TMPRSS15: variants seen among roughly 807,000 people sequenced by gnomAD.
TMPRSS15 encodes the protein transmembrane serine protease 15, also known as enteropeptidase.
A neutral mutation model predicts 125.3 loss-of-function variants in TMPRSS15; 128 were observed. The observed-to-expected ratio is 1.02, with a 90% CI of 0.89 to 1.18. The LOEUF (loss-of-function observed/expected upper bound fraction) is 1.18, where lower values mean the gene tolerates loss of function less well. Among genes scored for constraint, TMPRSS15 ranks in the 50% most tolerant of loss-of-function variants. The pLI is 0.00. For synonymous variants in TMPRSS15, 446 were observed against 423.2 expected (o/e 1.05, Z -0.66); for missense variants, 1,283 against 1,212.7 (o/e 1.06, Z -0.86).
chr21:18,450,424 A>G (rs1297051107), intron 1 of TMPRSS15, among the ~76,000 whole-genome samples: 2 of 152,182 alleles, frequency 1.3e-5, no homozygotes, highest in Non-Finnish European at 2.9e-5. Flanking sequence ...TGGAACCTCA[A>G]TGCATTTGTT....
chr21:18,353,551 A>AC (rs1476156681), intron 9 of TMPRSS15, among the ~76,000 whole-genome samples, 172 bp downstream of exon 9: 1 of 151,862 alleles, frequency 6.6e-6, no homozygotes, highest in African/African-American at 2.4e-5. Flanking sequence ...AAAAATGTAA[A>AC]CCATTGTCCA....
At chr21:18,452,691 A>T (rs1053483013) in intron 1 of TMPRSS15, among the ~76,000 whole-genome samples, 1 of 152,202 alleles carries the variant, frequency 6.6e-6, no homozygotes, top group Non-Finnish European at 1.5e-5. Context: ...TTGAACTGGA[A>T]TGTTACAAAC....
chr21:18,297,804 A>C lies in TMPRSS15; in HGVS notation c.2191T>G (p.Phe731Val), dbSNP rs2074924226. Residue 731 changes from phenylalanine to valine, a missense_variant, in exon 19 of 25, where the codon TTC becomes GTC. Coordinates refer to ENST00000284885, the MANE Select transcript of TMPRSS15 (RefSeq NM_002772.3). ...LGSGNSSKPI[F>V]PTDGGPFVKL... is the part of the protein sequence containing the mutation. Reference sequence around the variant, plus strand: ...ACAAATGGTCCACCATCGGTAGGGAAGATTGGCTTTGATGAGTTTCCACTC... The same window carrying C: ...ACAAATGGTCCACCATCGGTAGGGACGATTGGCTTTGATGAGTTTCCACTC... 2.5e-6 allele frequency: 4 copies of C among 1,613,432 alleles called. No individual in the cohort carries two copies. The South Asian group carries it at 4.4e-5, about 18-fold the overall frequency.
intron 3 of TMPRSS15, among the ~76,000 whole-genome samples, chr21:18,392,247 T>C (rs190895313): frequency 3.9e-5 from 6 of 152,342 alleles, no homozygotes; most frequent in Non-Finnish European, 7.3e-5. Context: ...TTCTGCCACA[T>C]AGTTAGCCTG....
At position 18,365,941 on chromosome 21, in the gene TMPRSS15, G is replaced by T. The variant is rs140597397; in HGVS notation, c.665-693C>A. On this transcript the variant is annotated intron_variant, in intron 6 of 24. Coordinates refer to ENST00000284885, the MANE Select transcript of TMPRSS15 (RefSeq NM_002772.3). ...GTAGAGACGGGGTTTCACCATGTTG[G>T]CCAGGCTGGTCTCGATCTCCTGACC... is the stretch of plus-strand genomic sequence containing the variant. Among the ~76,000 whole-genome samples the T allele has an allele frequency of 8.4e-3, 1,277 of 151,626 alleles. 17 individuals carry two copies. Among genetic ancestry groups the T allele is most frequent in the African/African-American group, 0.03 (1,221 of 41,298 alleles).
chr21:18,398,106 T>G, intron 2 of TMPRSS15, 93 bp downstream of exon 2: 1 of 1,478,636 alleles, frequency 6.8e-7, no homozygotes, highest in Non-Finnish European at 9.4e-7. Flanking sequence ...CATATTACAT[T>G]TATTCTCTAG....
intron 19 of TMPRSS15, among the ~76,000 whole-genome samples, chr21:18,297,364 C>A (rs2074918769): frequency 6.6e-6 from 1 of 152,098 alleles, no homozygotes; most frequent in Non-Finnish European, 1.5e-5. Flanking sequence ...TGGTCTGCCT[C>A]CAGTCTGATC....
chr21:18,437,771 A>G (rs1216035906), intron 1 of TMPRSS15, among the ~76,000 whole-genome samples: 2 of 152,198 alleles, frequency 1.3e-5, no homozygotes, highest in African/African-American at 2.4e-5. Context: ...CAAAACCACA[A>G]TGAGATACCA....
intron 18 of TMPRSS15, among the ~76,000 whole-genome samples, chr21:18,305,367 T>C (rs1329871154): frequency 6.6e-6 from 1 of 151,928 alleles, no homozygotes; most frequent in African/African-American, 2.4e-5. Flanking sequence ...TTTTTGTATT[T>C]TTAGTAGAGA....
intron 14 of TMPRSS15, 98 bp from the exon 15 acceptor site, chr21:18,329,392 C>T: frequency 7.8e-7 from 1 of 1,286,238 alleles, no homozygotes; most frequent in Non-Finnish European, 1.1e-6. Flanking sequence ...AAAAAAAAAT[C>T]AATTTTTTTT....
intron 4 of TMPRSS15, among the ~76,000 whole-genome samples, chr21:18,380,268 C>G (rs958023900): frequency 5.3e-5 from 8 of 151,628 alleles, no homozygotes; most frequent in Non-Finnish European, 8.8e-5. Context: ...CACACACACA[C>G]TCATATATCT....
Position 18,326,685 on chromosome 21 carries a change from C to T in TMPRSS15, c.1781-113G>A, listed in dbSNP as rs181416326. The T allele has an allele frequency of 4.5e-3, 5,495 of 1,225,992 alleles. 24 individuals are homozygous for T. Among genetic ancestry groups the T allele is most frequent in the Non-Finnish European group, 5.7e-3 (4,773 of 843,088 alleles). The allele number at this position is 1,225,992 out of a possible 1,614,324, so 75.9% of individuals were successfully genotyped here. A position where few individuals can be genotyped will look rare whatever the true frequency, so the allele number is the denominator to read the frequency against. ...ACGTAGGGCTACATGTTACATGGCT[C>T]GCTCATAGAGCAGCCACAAGTAAAT... On this transcript the variant is annotated intron_variant, in intron 15 of 24. Coordinates refer to ENST00000284885, the MANE Select transcript of TMPRSS15 (RefSeq NM_002772.3).
intron 1 of TMPRSS15, among the ~76,000 whole-genome samples, chr21:18,480,159 AT>A (rs1474067750): frequency 6.6e-6 from 1 of 151,974 alleles, no homozygotes; most frequent in Non-Finnish European, 1.5e-5. Flanking sequence ...AACACCACGT[AT>A]TCTCACTCAT....
At chr21:18,361,485 G>A (rs975177025) in intron 7 of TMPRSS15, among the ~76,000 whole-genome samples, 5 of 152,116 alleles carry the variant, frequency 3.3e-5, no homozygotes, top group Admixed American at 2.6e-4. Context: ...GAAGTGGTCT[G>A]GCCTCTGACT....
At chr21:18,344,126 CT>C (rs1406662396) in intron 10 of TMPRSS15, 66 bp from the exon 11 acceptor site, 8 of 1,345,664 alleles carry the variant, frequency 5.9e-6, no homozygotes, top group Non-Finnish European at 1.1e-6. Flanking sequence ...GACAAGTAGA[CT>C]TTGTAAGCAG....
chr21:18,293,218 G>A (rs1384145143), intron 21 of TMPRSS15, among the ~76,000 whole-genome samples: 1 of 152,178 alleles, frequency 6.6e-6, no homozygotes, highest in Admixed American at 6.5e-5. Flanking sequence ...GTGTCTGACA[G>A]TTGGTCTTCA....
At chr21:18,441,099 C>T (rs2076240390) in intron 1 of TMPRSS15, among the ~76,000 whole-genome samples, 1 of 150,428 alleles carries the variant, frequency 6.6e-6, no homozygotes, top group African/African-American at 2.5e-5. Flanking sequence ...TCGAGACCAG[C>T]CTGACCAATA....
At chr21:18,380,454 G>A (rs766160588) in intron 4 of TMPRSS15, 42 of 431,376 alleles carry the variant, frequency 9.7e-5, no homozygotes, top group Non-Finnish European at 1.6e-4. Flanking sequence ...CTCAGAAATA[G>A]CTGCAAGAAA....
intron 21 of TMPRSS15, among the ~76,000 whole-genome samples, chr21:18,293,621 C>T (rs2074864468): frequency 1.3e-5 from 2 of 152,196 alleles, no homozygotes; most frequent in Admixed American, 6.5e-5. Flanking sequence ...TTTACTCCCA[C>T]CCCCTTCCAT....
Sources: allele counts gnomAD v4.1 joint callset (sites outside exome capture counted in the v4.1 genomes callset), GRCh38; gene constraint gnomAD v4.1.1; transcripts MANE v1.5; gene names NCBI Gene and HGNC (gene_info 2026-07-23, HGNC 2026-07-21).